The following SUCLG2 variants were observed in gnomAD, a reference collection of about 807,000 sequenced individuals.
The protein encoded by SUCLG2 is succinate--CoA ligase [GDP-forming] subunit beta, mitochondrial.
A neutral mutation model predicts 47.9 loss-of-function variants in SUCLG2; 42 were observed. The ratio of observed to expected loss-of-function variants is 0.88; its 90% CI spans 0.69 to 1.14. The LOEUF is 1.14. Ranked by LOEUF, SUCLG2 falls within the 50% of genes most tolerant of loss-of-function variation. The pLI is 0.00. For synonymous variants in SUCLG2, 195 were observed against 197.3 expected (o/e 0.99, Z 0.10); for missense variants, 571 against 525.9 (o/e 1.09, Z -0.84).
rs1277074570 is a variant in SUCLG2 at position 67,397,635 on chromosome 3, C to T, written c.1183+3096G>A. Among the ~76,000 whole-genome samples the T allele has an allele frequency of 7.9e-5, 12 of 152,150 alleles. No homozygotes were observed. The East Asian group carries it at 2.3e-3, about 29-fold the overall frequency. On this transcript the variant is annotated intron_variant, in intron 10 of 10. Coordinates refer to ENST00000307227, the MANE Select transcript of SUCLG2 (RefSeq NM_003848.4). ...ATTCAATGCCATCCCCATCAAGCTA[C>T]CAATGACTTTCTTCACAGAATTGGA...
chr3:67,569,892 A>T (rs756747720), intron 2 of SUCLG2, among the ~76,000 whole-genome samples: 20 of 152,206 alleles, frequency 1.3e-4, no homozygotes, highest in Non-Finnish European at 5.9e-5. Context: ...GGCATGCAGA[A>T]GGCAGAATGC....
chr3:67,626,636 C>CG (rs1174743689), intron 1 of SUCLG2, among the ~76,000 whole-genome samples: 2 of 151,956 alleles, frequency 1.3e-5, no homozygotes, highest in African/African-American at 4.8e-5. Flanking sequence ...AAGTACATGC[C>CG]GGGTGCAGTT....
chr3:67,422,299 C>T (rs975663482), intron 9 of SUCLG2, among the ~76,000 whole-genome samples: 2 of 151,282 alleles, frequency 1.3e-5, no homozygotes, highest in African/African-American at 4.9e-5. Context: ...TGGTGAAACC[C>T]TGTCTCTACT....
intron 2 of SUCLG2, among the ~76,000 whole-genome samples, chr3:67,543,435 G>C (rs1473078833): frequency 6.6e-6 from 1 of 152,210 alleles, no homozygotes. Flanking sequence ...GGGAGGCTGA[G>C]ACAGGTGGGT....
chr3:67,650,608 T>A (rs562959456), intron 1 of SUCLG2, among the ~76,000 whole-genome samples: 1 of 151,898 alleles, frequency 6.6e-6, no homozygotes, highest in Admixed American at 6.6e-5. Flanking sequence ...AATACAAAAA[T>A]CAGCCAGGCA....
rs563479265 is a variant in SUCLG2 at position 67,427,934 on chromosome 3, T to C, written c.1063-27083A>G. On this transcript the variant is annotated intron_variant, in intron 9 of 10. Transcript: ENST00000307227. The stretch of plus-strand genomic sequence containing the variant: ...CTGGGGGAGGGGCGTCCACCATTGC[T>C]GAGGCTTGAGTAGGTAAACGAAGCA... Among the ~76,000 whole-genome samples, 66 of 152,336 alleles carry C rather than the reference T, an allele frequency of 4.3e-4. 1 individual carries two copies. The highest frequency in any genetic ancestry group is 1.5e-3 in the African/African-American group (63 of 41,578).
intron 9 of SUCLG2, among the ~76,000 whole-genome samples, chr3:67,462,952 C>T (rs765290582): frequency 2.0e-5 from 3 of 152,124 alleles, no homozygotes; most frequent in African/African-American, 4.8e-5. Context: ...ACCCCCCACA[C>T]ATTTGATCAC....
At chr3:67,408,341 A>G (rs1218031679) in intron 9 of SUCLG2, among the ~76,000 whole-genome samples, 2 of 152,212 alleles carry the variant, frequency 1.3e-5, no homozygotes, top group Non-Finnish European at 2.9e-5. Context: ...TCCAAGGAAA[A>G]AAGAAATAAT....
intron 9 of SUCLG2, among the ~76,000 whole-genome samples, chr3:67,447,287 A>G (rs979857801): frequency 6.6e-6 from 1 of 152,228 alleles, no homozygotes; most frequent in Non-Finnish European, 1.5e-5. Flanking sequence ...TTGAACCCCA[A>G]CAATGAGAGG....
chr3:67,615,832 T>C (rs917564105), intron 1 of SUCLG2, among the ~76,000 whole-genome samples: 5 of 152,056 alleles, frequency 3.3e-5, no homozygotes, highest in African/African-American at 1.2e-4. Context: ...TAGCAAAACA[T>C]GTACCAGAGA....
chr3:67,497,050 C>A (rs1705362073), intron 8 of SUCLG2, among the ~76,000 whole-genome samples: 1 of 152,132 alleles, frequency 6.6e-6, no homozygotes, highest in South Asian at 2.1e-4. Flanking sequence ...TTGGTTTAAA[C>A]CCATATACCT....
intron 9 of SUCLG2, among the ~76,000 whole-genome samples, chr3:67,493,953 G>A (rs539535956): frequency 4.5e-4 from 69 of 152,310 alleles, no homozygotes; most frequent in African/African-American, 1.6e-3. Flanking sequence ...GGCTGCCTTT[G>A]AACTTCAATA....
At chr3:67,408,356 G>C (rs1036119410) in intron 9 of SUCLG2, among the ~76,000 whole-genome samples, 4 of 152,144 alleles carry the variant, frequency 2.6e-5, no homozygotes, top group Admixed American at 2.0e-4. Context: ...AATAATTTTA[G>C]TGAGTCCACG....
chr3:67,465,183 G>A (rs1334856847), intron 9 of SUCLG2, among the ~76,000 whole-genome samples: 1 of 152,040 alleles, frequency 6.6e-6, no homozygotes, highest in African/African-American at 2.4e-5. Context: ...TCCACAATGC[G>A]TACTCCTATC....
intron 10 of SUCLG2, among the ~76,000 whole-genome samples, chr3:67,400,231 A>T (rs964890549): frequency 2.0e-5 from 3 of 151,762 alleles, no homozygotes; most frequent in Admixed American, 6.6e-5. Flanking sequence ...TATTGCTATA[A>T]AATATATAAT....
rs780805541 is a variant in SUCLG2, at chr3:67,609,481, T to G, written c.200A>C (p.Glu67Ala). 12 of 1,613,002 alleles carry G rather than the reference T, an allele frequency of 7.4e-6. No homozygotes were observed. Among genetic ancestry groups the G allele is most frequent in the Admixed American group, 6.7e-5 (4 of 59,980 alleles). ...TAGTCTCTTAGCAGCCTCGAGAGCT[T>G]CATTTGCAGTGTCTGCTACAAAGAA... ...QRFFVADTAN[E>A]ALEAAKRLNA... The change falls in exon 2 of 11, where the codon GAA (glutamate) becomes GCA (alanine). Residue 67 changes from glutamate to alanine, a missense_variant. Transcript: ENST00000307227.
chr3:67,413,821 T>C (rs913914896), intron 9 of SUCLG2, among the ~76,000 whole-genome samples: 2 of 152,228 alleles, frequency 1.3e-5, no homozygotes, highest in African/African-American at 4.8e-5. Flanking sequence ...CCCTGCTCTG[T>C]AACTCTCCTT....
intron 9 of SUCLG2, among the ~76,000 whole-genome samples, chr3:67,475,453 G>A (rs1316465623): frequency 1.3e-5 from 2 of 152,126 alleles, no homozygotes; most frequent in Non-Finnish European, 2.9e-5. Context: ...AAAGAGGCAG[G>A]CACTCAAGGG....
In SUCLG2 at chr3:67,495,925, A is replaced by T. The variant is rs951222612; in HGVS notation, c.935T>A (p.Leu312His). The T allele has an allele frequency of 2.5e-6, 4 of 1,614,000 alleles. No homozygotes were observed. Among genetic ancestry groups the T allele is most frequent in the Non-Finnish European group, 3.4e-6 (4 of 1,179,932 alleles). Reference protein sequence around the residue: ...NIACFVNGAGLAMATCDIIFL... With the variant: ...NIACFVNGAGHAMATCDIIFL... ...AATGATATCACAAGTAGCCATGGCG[A>T]GCCCAGCACCATTCACTGTGAAATG... is the stretch of plus-strand genomic sequence containing the variant. The change falls in exon 9 of 11, where the codon CTC becomes CAC. Residue 312 changes from leucine to histidine, a missense_variant. Physicochemically the swap from Leu to His is moderately conservative, Grantham distance 99. Transcript: ENST00000307227.
Sources: allele counts gnomAD v4.1 joint callset (sites outside exome capture counted in the v4.1 genomes callset), GRCh38; gene constraint gnomAD v4.1.1; transcripts MANE v1.5; gene names NCBI Gene and HGNC (gene_info 2026-07-23, HGNC 2026-07-21).